The following NGEF variants were observed in gnomAD, a reference collection of about 807,000 sequenced individuals.
NGEF encodes neuronal guanine nucleotide exchange factor.
In NGEF, 31 loss-of-function variants were observed where a neutral mutation model predicts 80.9. The observed-to-expected ratio is 0.38, with a 90% CI of 0.29 to 0.52. NGEF has a LOEUF of 0.52. Among genes scored for constraint, NGEF ranks in the 20% least tolerant of loss-of-function variants. The probability of loss-of-function intolerance (pLI) is 0.84; values close to 1 mark genes in which losing one functional copy is unlikely to be tolerated. For missense variants in NGEF, 709 were observed against 926.2 expected, an observed-to-expected ratio of 0.77 and a Z score of 3.04; for synonymous variants, 371 against 370.2, an observed-to-expected ratio of 1.00 and a Z score of -0.03.
intron 1 of NGEF, among the ~76,000 whole-genome samples, chr2:233,004,510 T>G (rs1247012311): frequency 6.6e-6 from 1 of 152,230 alleles, no homozygotes. Flanking sequence ...GTCCTCTTCC[T>G]GTCTAGATTC....
intron 3 of NGEF, among the ~76,000 whole-genome samples, chr2:232,945,043 C>T (rs144292653): frequency 9.9e-5 from 15 of 151,954 alleles, no homozygotes; most frequent in Non-Finnish European, 2.1e-4. Flanking sequence ...TGAGCCACCA[C>T]GCCTGGCCTA....
chr2:232,939,126 C>T (rs1055582829), intron 3 of NGEF, among the ~76,000 whole-genome samples: 4 of 143,362 alleles, frequency 2.8e-5, no homozygotes, highest in African/African-American at 5.2e-5. Flanking sequence ...TGCAGTGAGC[C>T]GAGATTGCGC....
chr2:232,935,020 T>A (rs186526119), intron 3 of NGEF, among the ~76,000 whole-genome samples: 1,947 of 147,398 alleles, frequency 0.013, 27 homozygotes, highest in South Asian at 0.053. Flanking sequence ...AAAAAAAAAA[T>A]AATAATAAGA....
chr2:232,917,204 G>A (rs1692822036), intron 5 of NGEF, among the ~76,000 whole-genome samples: 1 of 152,198 alleles, frequency 6.6e-6, no homozygotes, highest in East Asian at 1.9e-4. Context: ...CCAAAACCAA[G>A]CTTCTACTGA....
At chr2:232,984,385 C>A (rs1039424046) in intron 1 of NGEF, among the ~76,000 whole-genome samples, 3 of 152,080 alleles carry the variant, frequency 2.0e-5, no homozygotes, top group Non-Finnish European at 4.4e-5. Flanking sequence ...AACCATTATG[C>A]CCAGCCTGAA....
At chr2:232,886,912 C>T (rs532080061) in intron 9 of NGEF, among the ~76,000 whole-genome samples, 1 of 152,370 alleles carries the variant, frequency 6.6e-6, no homozygotes, top group South Asian at 2.1e-4. Context: ...CGGATGCCCC[C>T]TGGCTACCCT....
Position 232,923,911 on chromosome 2 carries a change from C to G in NGEF, c.526+3133G>C, listed in dbSNP as rs548232803. Reference sequence around the variant, plus strand: ...TGACTAAGACATGAGGGCACTGCCTCCGTGAGAGGGATTCATGCCTTCCCT... The same window carrying G: ...TGACTAAGACATGAGGGCACTGCCTGCGTGAGAGGGATTCATGCCTTCCCT... On this transcript the variant is annotated intron_variant, in intron 4 of 14. Coordinates refer to ENST00000264051, the MANE Select transcript of NGEF (RefSeq NM_019850.3). Among the ~76,000 whole-genome samples, 6 of 152,176 alleles carry G rather than the reference C, an allele frequency of 3.9e-5. No individual in the cohort carries two copies. In the South Asian group the frequency reaches 1.2e-3, roughly 32 times the overall value.
At chr2:232,890,397 C>A (rs932747991) in intron 8 of NGEF, among the ~76,000 whole-genome samples, 1 of 152,180 alleles carries the variant, frequency 6.6e-6, no homozygotes, top group South Asian at 2.1e-4. Flanking sequence ...GGCCTGGCTG[C>A]GTCCCTGAGT....
chr2:232,992,642 T>C (rs1694673494), intron 1 of NGEF, among the ~76,000 whole-genome samples: 1 of 152,152 alleles, frequency 6.6e-6, no homozygotes, highest in East Asian at 1.9e-4. Context: ...AAGAATCTTG[T>C]ACCTAGAGTA....
intron 1 of NGEF, among the ~76,000 whole-genome samples, chr2:233,000,095 G>C (rs1330722843): frequency 2.0e-5 from 3 of 152,032 alleles, no homozygotes; most frequent in African/African-American, 7.2e-5. Flanking sequence ...ATCCTGGCTT[G>C]CAGAGGCTGC....
intron 2 of NGEF, among the ~76,000 whole-genome samples, chr2:232,972,479 G>A (rs1401609096): frequency 2.0e-5 from 3 of 150,822 alleles, no homozygotes; most frequent in Non-Finnish European, 4.4e-5. Flanking sequence ...GTTGGATGGC[G>A]CTACTGTAAC....
intron 1 of NGEF, among the ~76,000 whole-genome samples, chr2:232,991,977 AG>A (rs1402160049): frequency 2.0e-5 from 3 of 152,230 alleles, no homozygotes; most frequent in Admixed American, 6.5e-5. Context: ...CAATGAGAAA[AG>A]GATAGTTGCC....
chr2:232,928,195 G>A, intron 3 of NGEF: 11 of 974,530 alleles, frequency 1.1e-5, no homozygotes, highest in Non-Finnish European at 1.3e-5. Context: ...GGGTTGCCAC[G>A]GCAACGAGGG....
In NGEF at chr2:232,920,484, C is replaced by T; in HGVS notation, c.628G>A (p.Ala210Thr). The T allele has an allele frequency of 6.2e-7, 1 of 1,612,028 alleles. No homozygotes were observed. The highest frequency in any genetic ancestry group is 1.1e-5 in the South Asian group (1 of 90,756). The change falls in exon 5 of 15, where the codon GCC becomes ACC. Residue 210 changes from alanine (A) to threonine (T), a missense_variant. Ala to Thr is a moderately conservative substitution (Grantham distance 58). Around this residue, in one of 2 missense-constraint regions of NGEF, gnomAD observed 283 missense variants for 303.4 expected, o/e 0.93. Transcript: ENST00000264051. ...TCCTCCTCCGGGGTGTCCTCACTGG[C>T]CGGGGACCCATTGGTATTGTCTTCT... ...EIEDNTNGSP[A>T]SEDTPEEEEE...
chr2:233,001,970 C>A (rs1694988149), intron 1 of NGEF, among the ~76,000 whole-genome samples: 1 of 152,090 alleles, frequency 6.6e-6, no homozygotes, highest in Non-Finnish European at 1.5e-5. Context: ...AACCATTGCA[C>A]TCCAGCCTGG....
intron 3 of NGEF, among the ~76,000 whole-genome samples, chr2:232,968,939 C>G (rs1290276964): frequency 1.3e-5 from 2 of 152,202 alleles, no homozygotes; most frequent in Non-Finnish European, 2.9e-5. Context: ...GTCACCTTGA[C>G]AGATGACAGA....
intron 5 of NGEF, among the ~76,000 whole-genome samples, chr2:232,917,652 G>A (rs1692837436): frequency 6.6e-6 from 1 of 151,902 alleles, no homozygotes; most frequent in South Asian, 2.1e-4. Flanking sequence ...TGTATTTTTA[G>A]TAGATGAATA....
chr2:232,988,122 C>T lies in NGEF; in HGVS notation c.-74-13158G>A, dbSNP rs73995773. ...AAGACCCCAGAGGGATGCCTCCTAC[C>T]GCTGTGCGCAGCTGGTGGAGTAGAG... On this transcript the variant is annotated intron_variant, in intron 1 of 14. Coordinates refer to ENST00000264051, the MANE Select transcript of NGEF (RefSeq NM_019850.3). Among the ~76,000 whole-genome samples, 793 of 151,470 alleles carry T rather than the reference C, an allele frequency of 5.2e-3. 9 individuals carry two copies. The highest frequency in any genetic ancestry group is 0.018 in the African/African-American group (749 of 41,266).
At chr2:232,966,621 C>CA (rs913478680) in intron 3 of NGEF, among the ~76,000 whole-genome samples, 1 of 151,808 alleles carries the variant, frequency 6.6e-6, no homozygotes, top group African/African-American at 2.4e-5. Context: ...GACAACTCCC[C>CA]CAAACAAAAC....
Sources: gnomAD v4.1 joint callset for allele counts (sites outside exome capture counted in the v4.1 genomes callset) on GRCh38, gnomAD v4.1.1 for gene constraint, gnomAD v4.1.1 regional missense constraint, MANE v1.5 for transcripts, NCBI Gene and HGNC (gene_info 2026-07-23, HGNC 2026-07-21) for gene names.